The following NEGR1 variants were observed in gnomAD, a reference collection of about 807,000 sequenced individuals.
The protein encoded by NEGR1 is IgLON family member 4.
In NEGR1, 10 loss-of-function variants were observed where a neutral mutation model predicts 40.9. That is an observed-to-expected ratio of 0.24 (90% confidence interval 0.15 to 0.42). The LOEUF (loss-of-function observed/expected upper bound fraction) is 0.42, where lower values mean the gene tolerates loss of function less well. NEGR1 is among the 10% of genes least tolerant of loss of function. The probability of loss-of-function intolerance (pLI) is 1.00; values close to 1 mark genes in which losing one functional copy is unlikely to be tolerated. For missense variants in NEGR1, 352 were observed against 438.9 expected (o/e 0.80, Z 1.77); for synonymous variants, 185 against 166.8 (o/e 1.11, Z -0.84).
chr1:72,242,073 G>T (rs1654763133), intron 1 of NEGR1, among the ~76,000 whole-genome samples: 1 of 151,612 alleles, frequency 6.6e-6, no homozygotes, highest in Non-Finnish European at 1.5e-5. Flanking sequence ...TAATAAGGAG[G>T]TGATGACAAA....
At chr1:71,655,668 G>A (rs1271028347) in intron 4 of NEGR1, among the ~76,000 whole-genome samples, 2 of 152,118 alleles carry the variant, frequency 1.3e-5, no homozygotes, top group African/African-American at 2.4e-5. Flanking sequence ...ATGAGGGTGG[G>A]TTGCAGGGCA....
chr1:71,943,300 T>A (rs1273934731), intron 1 of NEGR1, among the ~76,000 whole-genome samples: 1 of 150,426 alleles, frequency 6.6e-6, no homozygotes, highest in Non-Finnish European at 1.5e-5. Context: ...ATACACATAT[T>A]TACACATGTG....
Position 72,172,487 on chromosome 1 carries a change from A to C in NEGR1, c.176+109832T>G, listed in dbSNP as rs565071332. Among the ~76,000 whole-genome samples the C allele has an allele frequency of 1.1e-3, 163 of 152,322 alleles. 1 individual carries two copies. The highest frequency in any genetic ancestry group is 3.6e-3 in the African/African-American group (149 of 41,580). On this transcript the variant is annotated intron_variant, in intron 1 of 6. Coordinates refer to ENST00000357731, the MANE Select transcript of NEGR1 (RefSeq NM_173808.3). ...TCCATAAATAAAGGGCCCATCATTAAATGCAAGCAGCTCTAATAGTCCCTA... is the reference window on the plus strand; with the variant it reads ...TCCATAAATAAAGGGCCCATCATTACATGCAAGCAGCTCTAATAGTCCCTA...
Position 71,921,703 on chromosome 1 carries a change from AATATATATATATAT to A in NEGR1, c.409+13362_409+13375del, listed in dbSNP as rs61614174. On this transcript the variant is annotated intron_variant, in intron 2 of 6. Transcript: ENST00000357731. ...ATATATAGAATAGATACAGTACAAG[AATATATATATATAT>A]ATATATATATATATATAGAATACCA... 3.0e-3 allele frequency among the ~76,000 whole-genome samples: 404 copies of A among 134,042 alleles called. 3 individuals are homozygous for A. Among genetic ancestry groups the A allele is most frequent in the African/African-American group, 0.01 (386 of 36,982 alleles). 87.9% of individuals were successfully genotyped at this position (134,042 alleles called of 152,430 possible).
intron 2 of NEGR1, among the ~76,000 whole-genome samples, chr1:71,779,932 T>A (rs1656643300): frequency 6.6e-6 from 1 of 150,994 alleles, no homozygotes; most frequent in Non-Finnish European, 1.5e-5. Context: ...ATTGGTCAAC[T>A]GGATGGTGAT....
intron 1 of NEGR1, among the ~76,000 whole-genome samples, chr1:71,955,569 A>C (rs1646112841): frequency 6.6e-6 from 1 of 152,106 alleles, no homozygotes; most frequent in South Asian, 2.1e-4. Context: ...TAACCTTCAA[A>C]TTCTTGTTTG....
intron 1 of NEGR1, among the ~76,000 whole-genome samples, chr1:72,263,227 A>C (rs757884083): frequency 3.3e-5 from 5 of 151,670 alleles, no homozygotes; most frequent in Non-Finnish European, 7.4e-5. Context: ...TAGAAACAAA[A>C]GTCTTTCTCA....
chr1:72,111,464 T>G (rs529035454), intron 1 of NEGR1, among the ~76,000 whole-genome samples: 4 of 151,754 alleles, frequency 2.6e-5, no homozygotes, highest in Non-Finnish European at 4.4e-5. Flanking sequence ...AAAAGATTCA[T>G]TAATACAATT....
chr1:72,164,116 G>C lies in NEGR1; in HGVS notation c.176+118203C>G, dbSNP rs74550444. Among the ~76,000 whole-genome samples, 383 of 151,876 alleles carry C rather than the reference G, an allele frequency of 2.5e-3. 2 individuals carry two copies. The highest frequency in any genetic ancestry group is 0.018 in the East Asian group (92 of 5,154). On this transcript the variant is annotated intron_variant, in intron 1 of 6. Transcript: ENST00000357731. ...TTCAGGTCACTGAGAAAAGTATGCA[G>C]ACTATGGAAACAAAAGTTCCTTCAG...
At chr1:71,775,581 A>G (rs1656475664) in intron 3 of NEGR1, among the ~76,000 whole-genome samples, 3 of 152,066 alleles carry the variant, frequency 2.0e-5, no homozygotes, top group African/African-American at 4.8e-5. Context: ...CCTGACCTCA[A>G]GTGAGCTGCC....
chr1:71,408,100 A>G (rs529490648), intron 6 of NEGR1, among the ~76,000 whole-genome samples: 9 of 152,198 alleles, frequency 5.9e-5, no homozygotes, highest in African/African-American at 1.4e-4. Context: ...CATACCCAGT[A>G]ACACAGACAA....
chr1:71,643,022 G>T (rs1271011018), intron 4 of NEGR1, among the ~76,000 whole-genome samples: 1 of 151,996 alleles, frequency 6.6e-6, no homozygotes, highest in South Asian at 2.1e-4. Flanking sequence ...CCAGACAAAG[G>T]AGTAAAACCA....
intron 1 of NEGR1, among the ~76,000 whole-genome samples, chr1:72,248,513 C>A (rs890903780): frequency 6.6e-6 from 1 of 151,254 alleles, no homozygotes; most frequent in Non-Finnish European, 1.5e-5. Flanking sequence ...CCATCTCAGC[C>A]TCTCAAAGTG....
intron 1 of NEGR1, among the ~76,000 whole-genome samples, chr1:72,113,459 A>G (rs1649458229): frequency 6.6e-6 from 1 of 151,438 alleles, no homozygotes; most frequent in Non-Finnish European, 1.5e-5. Flanking sequence ...GTGTTTAGAA[A>G]AAAAATATAT....
chr1:71,526,949 T>G (rs1030353293), intron 6 of NEGR1, among the ~76,000 whole-genome samples: 2 of 151,570 alleles, frequency 1.3e-5, no homozygotes, highest in African/African-American at 2.4e-5. Context: ...ACACACCATA[T>G]TCTTCTATGT....
intron 4 of NEGR1, among the ~76,000 whole-genome samples, chr1:71,625,558 C>A (rs949855199): frequency 1.3e-5 from 2 of 151,616 alleles, no homozygotes; most frequent in South Asian, 2.1e-4. Context: ...ATATAAGGGA[C>A]TAGAGCATAT....
chr1:71,868,436 A>AAGATAGATAGATAGATAGATAGAT (rs59923029), intron 2 of NEGR1, among the ~76,000 whole-genome samples: 6 of 149,924 alleles, frequency 4.0e-5, no homozygotes, highest in South Asian at 4.3e-4. Flanking sequence ...TAGATGATAG[A>AAGATAGATAGATAGATAGATAGAT]AGATAGATAG....
intron 2 of NEGR1, among the ~76,000 whole-genome samples, chr1:71,823,124 C>T (rs572463606): frequency 4.6e-5 from 7 of 151,886 alleles, no homozygotes; most frequent in African/African-American, 1.7e-4. Context: ...CTCTACAATG[C>T]ATACTTCGGA....
At chr1:71,462,664 A>T (rs1211670008) in intron 6 of NEGR1, among the ~76,000 whole-genome samples, 1 of 152,126 alleles carries the variant, frequency 6.6e-6, no homozygotes, top group African/African-American at 2.4e-5. Context: ...TAACCCCAAC[A>T]ATTTCTTTAT....
Sources: allele counts gnomAD v4.1 joint callset (sites outside exome capture counted in the v4.1 genomes callset), GRCh38; gene constraint gnomAD v4.1.1; transcripts MANE v1.5; gene names NCBI Gene and HGNC (gene_info 2026-07-23, HGNC 2026-07-21).